Variants in SPG11 observed in about 807,000 individuals in gnomAD.
The protein encoded by SPG11 is spatacsin.
Under a neutral mutation model 274.0 loss-of-function variants are expected in SPG11, and 222 were observed. The observed-to-expected ratio is 0.81, with a 90% CI of 0.73 to 0.91. The LOEUF is 0.91. SPG11 is among the 40% of genes least tolerant of loss of function. The pLI is 0.00. For synonymous variants in SPG11, 1,144 were observed against 1,039.7 expected, an observed-to-expected ratio of 1.10 and a Z score of -1.93; for missense variants, 3,114 against 2,872.7, an observed-to-expected ratio of 1.08 and a Z score of -1.92.
chr15:44,600,516 C>G lies in SPG11; in HGVS notation c.3637G>C (p.Gly1213Arg). 10 of 1,614,068 alleles carry G rather than the reference C, an allele frequency of 6.2e-6. No homozygotes were observed. Among genetic ancestry groups the G allele is most frequent in the Non-Finnish European group, 8.5e-6 (10 of 1,180,018 alleles). The change falls in exon 21 of 40, where the codon GGT (glycine) becomes CGT (arginine). Residue 1213 changes from glycine to arginine, a missense_variant. Transcript: ENST00000261866. ...ATTAATTCCTGGACCAGAAAAGTACCAAATGCAAATGATGGCCGCCCATTA... is the reference window on the plus strand; with the variant it reads ...ATTAATTCCTGGACCAGAAAAGTACGAAATGCAAATGATGGCCGCCCATTA... ...LHNGRPSFAF[G>R]TFLVQELIKS...
At chr15:44,587,120 G>A (rs1444355014) in intron 28 of SPG11, among the ~76,000 whole-genome samples, 1 of 152,164 alleles carries the variant, frequency 6.6e-6, no homozygotes, top group African/African-American at 2.4e-5. Flanking sequence ...GATCGCTTGA[G>A]GCCAGGAGTT....
At chr15:44,636,793 G>A (rs1044202232) in intron 7 of SPG11, among the ~76,000 whole-genome samples, 1 of 151,610 alleles carries the variant, frequency 6.6e-6, no homozygotes, top group African/African-American at 2.4e-5. Context: ...AGGCGTGGTG[G>A]TGCACACCTG....
chr15:44,620,695 C>A, intron 14 of SPG11: 1 of 281,368 alleles, frequency 3.6e-6, no homozygotes, highest in South Asian at 4.9e-5. Flanking sequence ...CCATCATGAC[C>A]AGGTAAATTT....
intron 20 of SPG11, among the ~76,000 whole-genome samples, chr15:44,605,618 C>CTGTGAT (rs2083298562): frequency 1.3e-5 from 2 of 152,290 alleles, no homozygotes; most frequent in South Asian, 4.1e-4. Context: ...TCGGTGGTCA[C>CTGTGAT]TGTGATTAAC....
chr15:44,616,868 G>A (rs2083604216), intron 15 of SPG11, among the ~76,000 whole-genome samples: 1 of 152,148 alleles, frequency 6.6e-6, no homozygotes, highest in African/African-American at 2.4e-5. Context: ...AAACACTGAG[G>A]TCCATTTTAG....
At chr15:44,567,704 A>G in intron 35 of SPG11, 112 bp from the exon 36 acceptor site, 1 of 1,043,932 alleles carries the variant, frequency 9.6e-7, no homozygotes, top group Non-Finnish European at 1.5e-6. Flanking sequence ...GAAGAAGAGG[A>G]GCAAAAATGA....
intron 11 of SPG11, among the ~76,000 whole-genome samples, chr15:44,623,961 C>T (rs572190558): frequency 2.0e-5 from 3 of 151,936 alleles, no homozygotes; most frequent in Admixed American, 6.6e-5. Flanking sequence ...GCATTTACCA[C>T]GTTGGCCAGA....
chr15:44,573,743 C>A lies in SPG11; in HGVS notation c.6009G>T (p.Glu2003Asp), dbSNP rs954483795. The change falls in exon 32 of 40, where the codon GAG becomes GAT. Residue 2003 changes from glutamate (E) to aspartate (D), a missense_variant and splice_region_variant. Transcript: ENST00000261866. Reference sequence around the variant, plus strand: ...CAACATCTGTGTAGGAACAGCCCAACTCCTGAGAGGAAGACAAAGCCAGTC... The same window carrying A: ...CAACATCTGTGTAGGAACAGCCCAAATCCTGAGAGGAAGACAAAGCCAGTC... Reference protein sequence around the residue: ...QVLCLYDLAKELGCSYTDVAA... With the variant: ...QVLCLYDLAKDLGCSYTDVAA... The A allele has an allele frequency of 1.9e-6, 3 of 1,614,100 alleles. No homozygotes were observed. Among genetic ancestry groups the A allele is most frequent in the Non-Finnish European group, 1.7e-6 (2 of 1,180,048 alleles).
chr15:44,611,103 A>G (rs1224309680), intron 17 of SPG11, 118 bp from the exon 18 acceptor site: 2 of 864,398 alleles, frequency 2.3e-6, no homozygotes, highest in African/African-American at 3.6e-5. Flanking sequence ...AAAAAAAAAA[A>G]AAAAAAAAAA....
At chr15:44,568,405 A>G (rs191280685) in intron 35 of SPG11, among the ~76,000 whole-genome samples, 82 of 152,302 alleles carry the variant, frequency 5.4e-4, no homozygotes, top group African/African-American at 1.9e-3. Context: ...CCCAATATTA[A>G]AGAGAGATTT....
chr15:44,640,900 T>C (rs899118820), intron 7 of SPG11, among the ~76,000 whole-genome samples: 5 of 152,082 alleles, frequency 3.3e-5, no homozygotes, highest in Non-Finnish European at 7.4e-5. Flanking sequence ...CCAGCAATTT[T>C]TGTATTTTTA....
At chr15:44,628,899 G>C (rs1267049335) in intron 9 of SPG11, 55 bp from the exon 10 acceptor site, 2 of 1,500,668 alleles carry the variant, frequency 1.3e-6, no homozygotes, top group Non-Finnish European at 1.8e-6. Flanking sequence ...TATAAACCAT[G>C]AGCTGTTATA....
Position 44,598,704 on chromosome 15 carries a change from T to C in SPG11, c.3819A>G (p.Lys1273=). The change falls in exon 22 of 40, where the codon AAA becomes AAG. Residue 1273 remains lysine, a synonymous_variant. Coordinates refer to ENST00000261866, the MANE Select transcript of SPG11 (RefSeq NM_025137.4). The part of the protein sequence containing the change: ...LDSLKLRVDM[K]VANIILSYKC... ...TGTAGCTCAAAATTATATTGGCCAC[T>C]TTCATATCAACTCTGAGCTTGAGGC... The C allele has an allele frequency of 6.2e-7, 1 of 1,614,222 alleles. No individual in the cohort carries two copies. The highest frequency in any genetic ancestry group is 1.1e-5 in the South Asian group (1 of 91,086).
rs2141126670 is a variant in SPG11, at chr15:44,659,262, T to C, written c.484A>G (p.Asn162Asp). The C allele has an allele frequency of 6.2e-7, 1 of 1,614,048 alleles. No homozygotes were observed. The highest frequency in any genetic ancestry group is 1.7e-5 in the Admixed American group (1 of 60,036). The change falls in exon 3 of 40, where the codon AAC (asparagine) becomes GAC (aspartate). Residue 162 changes from asparagine (N) to aspartate (D), a missense_variant. Transcript: ENST00000261866. ...LSLRILSFHN[N>D]TSLLFINKCV... ...TTGTTGATGAACAGTAATGATGTGTTATTGTGAAATGACAGGATTCTCAAA... is the reference window on the plus strand; with the variant it reads ...TTGTTGATGAACAGTAATGATGTGTCATTGTGAAATGACAGGATTCTCAAA...
chr15:44,566,844 T>G (rs1253664348), intron 36 of SPG11, among the ~76,000 whole-genome samples: 1 of 151,814 alleles, frequency 6.6e-6, no homozygotes, highest in Non-Finnish European at 1.5e-5. Flanking sequence ...GGATTACAGG[T>G]GCATGCCGCC....
chr15:44,636,364 G>GAT (rs1167452866), intron 7 of SPG11, among the ~76,000 whole-genome samples: 3 of 151,384 alleles, frequency 2.0e-5, no homozygotes, highest in Non-Finnish European at 4.4e-5. Flanking sequence ...TTGTTCTTAT[G>GAT]ATATATATAC....
intron 26 of SPG11, among the ~76,000 whole-genome samples, chr15:44,594,405 GAC>G (rs747812186): frequency 2.6e-5 from 4 of 151,792 alleles, no homozygotes; most frequent in African/African-American, 4.8e-5. Context: ...CAGCCTGAGT[GAC>G]AGAGCGAGAC....
chr15:44,629,142 C>G (rs1265388069), intron 9 of SPG11, 91 bp downstream of exon 9: 68 of 1,424,298 alleles, frequency 4.8e-5, no homozygotes, highest in Non-Finnish European at 6.7e-5. Context: ...TGGCGTGCCA[C>G]TGGTTTATGC....
intron 7 of SPG11, among the ~76,000 whole-genome samples, chr15:44,636,945 A>C (rs1192293563): frequency 2.0e-3 from 242 of 120,704 alleles, no homozygotes; most frequent in Admixed American, 3.0e-3. Context: ...AAAAAAAAAA[A>C]AAAAAAAAAA....
Sources: gnomAD v4.1 joint callset for allele counts (sites outside exome capture counted in the v4.1 genomes callset) on GRCh38, gnomAD v4.1.1 for gene constraint, MANE v1.5 for transcripts, NCBI Gene and HGNC (gene_info 2026-07-23, HGNC 2026-07-21) for gene names.